The following CCDC124 variants were observed in gnomAD, a reference collection of about 807,000 sequenced individuals.
CCDC124 encodes the protein coiled-coil domain containing 124.
A neutral mutation model predicts 19.8 loss-of-function variants in CCDC124; 9 were observed. The ratio of observed to expected loss-of-function variants is 0.45; its 90% confidence interval spans 0.27 to 0.79. The LOEUF (loss-of-function observed/expected upper bound fraction) is 0.79, where lower values mean the gene tolerates loss of function less well. Ranked by LOEUF, CCDC124 falls within the 30% of genes least tolerant of loss-of-function variation. The probability of loss-of-function intolerance (pLI) is 0.14; values close to 1 mark genes in which losing one functional copy is unlikely to be tolerated. For synonymous variants in CCDC124, 126 were observed against 131.3 expected, an observed-to-expected ratio of 0.96 and a Z score of 0.27; for missense variants, 285 against 319.0, an observed-to-expected ratio of 0.89 and a Z score of 0.81.
At chr19:17,933,258 C>T (rs2030985604) in intron 1 of CCDC124, among the ~76,000 whole-genome samples, 1 of 152,194 alleles carries the variant, frequency 6.6e-6, no homozygotes, top group Non-Finnish European at 1.5e-5. Context: ...ACAGCATGTT[C>T]GAGGCCACCT....
chr19:17,937,787 G>T (rs1284417522), intron 2 of CCDC124, among the ~76,000 whole-genome samples: 1 of 152,080 alleles, frequency 6.6e-6, no homozygotes, highest in Non-Finnish European at 1.5e-5. Context: ...AGGCTGGAGT[G>T]CAATGGCGCG....
chr19:17,936,215 C>T (rs1412824577), intron 1 of CCDC124, 195 bp from the exon 2 acceptor site: 1 of 530,994 alleles, frequency 1.9e-6, no homozygotes, highest in Non-Finnish European at 3.3e-6. Flanking sequence ...TAAATGAGCT[C>T]ATTTGGTGTC....
chr19:17,938,130 A>G (rs1180143934), intron 2 of CCDC124, among the ~76,000 whole-genome samples: 1 of 151,978 alleles, frequency 6.6e-6, no homozygotes, highest in Non-Finnish European at 1.5e-5. Flanking sequence ...GCTTGAGGCC[A>G]GGAGCTCCAG....
chr19:17,941,041 C>T (rs777406450), intron 2 of CCDC124, among the ~76,000 whole-genome samples: 13 of 151,166 alleles, frequency 8.6e-5, no homozygotes, highest in South Asian at 2.1e-4. Flanking sequence ...AGCAAGGTTC[C>T]GTCTCGAAAA....
In CCDC124 at chr19:17,943,527, G is replaced by C. The variant is rs377012919; in HGVS notation, c.484G>C (p.Asp162His). 30 of 1,611,676 alleles carry C rather than the reference G, an allele frequency of 1.9e-5. No individual in the cohort carries two copies. Among genetic ancestry groups the C allele is most frequent in the Non-Finnish European group, 2.4e-5 (28 of 1,179,746 alleles). ...CCCCAGCGTGGCGGAGGAGGCGGCC[G>C]ACCGGCACCCAGAAAGACGCATGCG... is the stretch of plus-strand genomic sequence containing the variant. ...AVLSVAEEAA[D>H]RHPERRMRAA... is the part of the protein sequence containing the mutation. The change falls in exon 5 of 5, where the codon GAC becomes CAC. Residue 162 changes from aspartate to histidine, a missense_variant. By Grantham distance (81) the Asp-to-His change is moderately conservative. Transcript: ENST00000445755.
intron 1 of CCDC124, among the ~76,000 whole-genome samples, chr19:17,935,399 ATATACT>A (rs1277355909): frequency 1.3e-5 from 2 of 151,780 alleles, no homozygotes; most frequent in African/African-American, 2.4e-5. Flanking sequence ...AACGCTGTGA[ATATACT>A]TAAACACTGA....
chr19:17,943,754 C>G lies in CCDC124; in HGVS notation c.*39C>G. Reference sequence around the variant, plus strand: ...GGAGCCAGTTCACCCACGGGTGGTCCAGGTCACGACTCTGCACGCCCTTAG... The same window carrying G: ...GGAGCCAGTTCACCCACGGGTGGTCGAGGTCACGACTCTGCACGCCCTTAG... On this transcript the variant is annotated 3_prime_UTR_variant, in exon 5 of 5. Transcript: ENST00000445755. 6.3e-7 allele frequency: 1 copy of G among 1,587,014 alleles called. No homozygotes were observed. Among genetic ancestry groups the G allele is most frequent in the Non-Finnish European group, 8.6e-7 (1 of 1,161,266 alleles).
intron 1 of CCDC124, among the ~76,000 whole-genome samples, chr19:17,933,943 AAGTG>A (rs1459862724): frequency 2.0e-5 from 3 of 152,252 alleles, no homozygotes; most frequent in South Asian, 2.1e-4. Flanking sequence ...TGACGTGTGC[AAGTG>A]AGTGAGTGTT....
Position 17,943,247 on chromosome 19 carries a change from A to T in CCDC124, c.350-14A>T. ...TTATCTCTCTCTGTCTCTGTCACCC[A>T]CCCACCCGCCCAGCCGAGAAAGCCA... On this transcript the variant is annotated splice_polypyrimidine_tract_variant and intron_variant, in intron 3 of 4. Transcript: ENST00000445755. 1.6e-5 allele frequency: 5 copies of T among 306,696 alleles called. No individual in the cohort carries two copies. The highest frequency in any genetic ancestry group is 6.3e-5 in the South Asian group (3 of 47,852). 19.0% of individuals were successfully genotyped at this position (306,696 alleles called of 1,614,324 possible).
intron 1 of CCDC124, among the ~76,000 whole-genome samples, chr19:17,935,425 CT>C (rs990711613): frequency 0.024 from 3,463 of 146,998 alleles, 114 homozygotes; most frequent in African/African-American, 0.077. Flanking sequence ...AATTGTACAC[CT>C]TTTTTTTTTT....
intron 2 of CCDC124, among the ~76,000 whole-genome samples, chr19:17,940,911 G>C (rs1238810384): frequency 6.6e-6 from 1 of 151,962 alleles, no homozygotes; most frequent in Non-Finnish European, 1.5e-5. Flanking sequence ...GCCGGGCATG[G>C]TGGCAGGCAC....
intron 1 of CCDC124, among the ~76,000 whole-genome samples, chr19:17,935,709 G>A (rs1170494714): frequency 6.7e-6 from 1 of 149,114 alleles, no homozygotes; most frequent in Admixed American, 6.7e-5. Context: ...AGCCTCCTGA[G>A]TAGCTGGGAT....
At chr19:17,934,604 A>G (rs1054118250) in intron 1 of CCDC124, among the ~76,000 whole-genome samples, 44 of 144,708 alleles carry the variant, frequency 3.0e-4, no homozygotes, top group African/African-American at 1.1e-3. Flanking sequence ...TGGGCAACAT[A>G]GTCAGACCCT....
rs564552013 is a variant in CCDC124, at chr19:17,941,560, C to T, written c.160-1096C>T. Among the ~76,000 whole-genome samples, 7 of 151,748 alleles carry T rather than the reference C, an allele frequency of 4.6e-5. No homozygotes were observed. In the East Asian group the frequency reaches 7.8e-4, roughly 17 times the overall value. ...TCTGAGGCAGAATGTGTGTGTGACA[C>T]GCATCGGTCGGGGAGCCTCGGGACG... is the stretch of plus-strand genomic sequence containing the variant. On this transcript the variant is annotated intron_variant, in intron 2 of 4. Transcript: ENST00000445755.
In CCDC124 at chr19:17,934,663, G is replaced by A. The variant is rs541180655; in HGVS notation, c.-12+1615G>A. Among the ~76,000 whole-genome samples, 5 of 147,900 alleles carry A rather than the reference G, an allele frequency of 3.4e-5. No homozygotes were observed. In the East Asian group the frequency reaches 1.0e-3, roughly 30 times the overall value. On this transcript the variant is annotated intron_variant, in intron 1 of 4. Coordinates refer to ENST00000445755, the MANE Select transcript of CCDC124 (RefSeq NM_001136203.2). ...CTAGGCATGGTGGCCTGCACCTATA[G>A]TCCCAGCTACTTAGGAGGCTCAGGT...
At chr19:17,933,457 C>T (rs1014051067) in intron 1 of CCDC124, among the ~76,000 whole-genome samples, 1 of 152,172 alleles carries the variant, frequency 6.6e-6, no homozygotes, top group Non-Finnish European at 1.5e-5. Flanking sequence ...GGGTCTTAAT[C>T]CCCATGGGTC....
rs145784713 is a variant in CCDC124, at chr19:17,942,357, C to G, written c.160-299C>G. 2.8e-3 allele frequency among the ~76,000 whole-genome samples: 432 copies of G among 152,290 alleles called. 3 individuals carry two copies. The highest frequency in any genetic ancestry group is 9.7e-3 in the African/African-American group (403 of 41,570). On this transcript the variant is annotated intron_variant, in intron 2 of 4. Transcript: ENST00000445755. This position sits in a 1 kb window ranked among gnomAD's most constrained non-coding sequence, Gnocchi z 4.2. ...TGGCTCCTGCCTCGGCGCCTTTGCA[C>G]TGGTAGCCCTGCTGCTAAGGACGCT... is the stretch of plus-strand genomic sequence containing the variant.
Position 17,942,646 on chromosome 19 carries a change from G to A in CCDC124, c.160-10G>A, listed in dbSNP as rs764665911. ...GGTCTTCTGCCTGACCATGCACGCCGCCCCCGCAGGAGGAGAAGGAGAAGC... is the reference window on the plus strand; with the variant it reads ...GGTCTTCTGCCTGACCATGCACGCCACCCCCGCAGGAGGAGAAGGAGAAGC... On this transcript the variant is annotated splice_polypyrimidine_tract_variant and intron_variant, in intron 2 of 4. Transcript: ENST00000445755. This position sits in a 1 kb window ranked among gnomAD's most constrained non-coding sequence, Gnocchi z 4.2. The A allele has an allele frequency of 1.3e-6, 2 of 1,552,736 alleles. No individual in the cohort carries two copies. The highest frequency in any genetic ancestry group is 1.7e-6 in the Non-Finnish European group (2 of 1,148,278).
chr19:17,938,728 A>G lies in CCDC124; in HGVS notation c.159+2149A>G, dbSNP rs530512443. 2.5e-4 allele frequency among the ~76,000 whole-genome samples: 38 copies of G among 152,194 alleles called. No individual in the cohort carries two copies. In the South Asian group the frequency reaches 7.1e-3, roughly 28 times the overall value. The stretch of plus-strand genomic sequence containing the variant: ...TGCCTCAGCCTCCCAAGTAGCTGGG[A>G]CTATAGGCGTGCACCACCACGCCCA... On this transcript the variant is annotated intron_variant, in intron 2 of 4. Coordinates refer to ENST00000445755, the MANE Select transcript of CCDC124 (RefSeq NM_001136203.2).
Sources: allele counts gnomAD v4.1 joint callset (sites outside exome capture counted in the v4.1 genomes callset), GRCh38; gene constraint gnomAD v4.1.1; non-coding constraint Gnocchi (gnomAD v3.1); transcripts MANE v1.5; gene names NCBI Gene and HGNC (gene_info 2026-07-23, HGNC 2026-07-21).